The following ZCCHC10 variants were observed in gnomAD, a reference collection of about 807,000 sequenced individuals.
ZCCHC10 encodes the protein zinc finger CCHC domain-containing protein 10.
Under a neutral mutation model 19.5 loss-of-function variants are expected in ZCCHC10, and 16 were observed. The observed-to-expected ratio is 0.82, with a 90% CI of 0.56 to 1.25. The LOEUF (loss-of-function observed/expected upper bound fraction) is 1.25, where lower values mean the gene tolerates loss of function less well. Ranked by LOEUF, ZCCHC10 falls within the 50% of genes most tolerant of loss-of-function variation. The pLI is 0.00. For missense variants in ZCCHC10, 197 were observed against 201.0 expected (o/e 0.98, Z 0.12); for synonymous variants, 67 against 72.5 (o/e 0.92, Z 0.38).
chr5:133,025,575 A>G (rs7707473), intron 1 of ZCCHC10, among the ~76,000 whole-genome samples: 53,816 of 149,396 alleles, frequency 0.36, 11,377 homozygotes, highest in African/African-American at 0.6. Flanking sequence ...TTTGTCAGCT[A>G]TGAATCTCTT....
chr5:133,015,964 T>C (rs1763892691), intron 2 of ZCCHC10, among the ~76,000 whole-genome samples: 1 of 152,246 alleles, frequency 6.6e-6, no homozygotes, highest in Non-Finnish European at 1.5e-5. Context: ...TTTTATTCAA[T>C]GGGTTATAAT....
At chr5:133,024,588 C>A (rs1203311729) in intron 1 of ZCCHC10, among the ~76,000 whole-genome samples, 1 of 152,166 alleles carries the variant, frequency 6.6e-6, no homozygotes, top group Non-Finnish European at 1.5e-5. Flanking sequence ...GTATCACCAT[C>A]CCATTTTTGA....
chr5:133,017,194 A>G (rs895615386), intron 2 of ZCCHC10, among the ~76,000 whole-genome samples: 1 of 152,092 alleles, frequency 6.6e-6, no homozygotes, highest in Non-Finnish European at 1.5e-5. Flanking sequence ...CTGACATCAC[A>G]AGCCAGTTCA....
At chr5:133,002,957 C>T (rs777545147) in intron 3 of ZCCHC10, among the ~76,000 whole-genome samples, 4 of 152,034 alleles carry the variant, frequency 2.6e-5, no homozygotes, top group Non-Finnish European at 2.9e-5. Context: ...TGACCTCAGG[C>T]GATCCACCCA....
intron 1 of ZCCHC10, among the ~76,000 whole-genome samples, chr5:133,026,288 T>G (rs1219040610): frequency 6.6e-6 from 1 of 152,218 alleles, no homozygotes; most frequent in African/African-American, 2.4e-5. Context: ...CTCTGTCCCG[T>G]GCCGCAGACT....
intron 2 of ZCCHC10, among the ~76,000 whole-genome samples, chr5:133,020,307 A>G (rs73268617): frequency 0.049 from 7,492 of 151,914 alleles, 563 homozygotes; most frequent in East Asian, 0.29. Flanking sequence ...CACTGAAAAT[A>G]CAAAAATTAG....
chr5:133,003,985 C>T (rs947178335), intron 3 of ZCCHC10, among the ~76,000 whole-genome samples: 4 of 152,156 alleles, frequency 2.6e-5, no homozygotes, highest in African/African-American at 9.7e-5. Context: ...GCTGGAATTA[C>T]AGGCATGAAC....
At chr5:133,016,032 C>T (rs1165342315) in intron 2 of ZCCHC10, among the ~76,000 whole-genome samples, 1 of 152,166 alleles carries the variant, frequency 6.6e-6, no homozygotes, top group Non-Finnish European at 1.5e-5. Flanking sequence ...AGTGGGAGCT[C>T]CTTCAAGCTG....
At chr5:133,015,134 A>G (rs1182089811) in intron 2 of ZCCHC10, among the ~76,000 whole-genome samples, 2 of 137,380 alleles carry the variant, frequency 1.5e-5, no homozygotes, top group African/African-American at 5.8e-5. Context: ...GCTGGAGTGC[A>G]GTGGCGTGAT....
At chr5:133,014,858 G>C (rs980800383) in intron 2 of ZCCHC10, among the ~76,000 whole-genome samples, 3 of 152,138 alleles carry the variant, frequency 2.0e-5, no homozygotes, top group Non-Finnish European at 2.9e-5. Context: ...ATTACACAAG[G>C]GTGTACCAGG....
At chr5:133,019,805 T>C (rs998335586) in intron 2 of ZCCHC10, among the ~76,000 whole-genome samples, 4 of 151,094 alleles carry the variant, frequency 2.6e-5, no homozygotes, top group African/African-American at 2.4e-5. Context: ...AATAAAAAAA[T>C]TAGCTGCGTG....
intron 2 of ZCCHC10, among the ~76,000 whole-genome samples, chr5:133,018,100 G>A (rs975364447): frequency 2.1e-5 from 3 of 145,180 alleles, no homozygotes; most frequent in South Asian, 2.2e-4. Flanking sequence ...AGCCGAGATC[G>A]CACCACAGCA....
At chr5:133,023,883 C>T (rs1355500762) in intron 1 of ZCCHC10, among the ~76,000 whole-genome samples, 3 of 151,940 alleles carry the variant, frequency 2.0e-5, no homozygotes, top group Non-Finnish European at 4.4e-5. Flanking sequence ...AAAATTAAAC[C>T]TTTTTGATGA....
At chr5:133,021,206 T>C (rs1478755482) in intron 2 of ZCCHC10, among the ~76,000 whole-genome samples, 1 of 151,922 alleles carries the variant, frequency 6.6e-6, no homozygotes, top group Non-Finnish European at 1.5e-5. Context: ...AATTTTTGTA[T>C]TTTTAGTAGA....
intron 2 of ZCCHC10, among the ~76,000 whole-genome samples, chr5:133,020,775 C>T (rs562252847): frequency 4.6e-5 from 7 of 152,126 alleles, no homozygotes; most frequent in African/African-American, 1.2e-4. Flanking sequence ...GGCTGGAGTG[C>T]AGTGGTGCAA....
chr5:133,024,340 C>T (rs896903694), intron 1 of ZCCHC10, among the ~76,000 whole-genome samples: 3 of 149,508 alleles, frequency 2.0e-5, no homozygotes, highest in African/African-American at 7.7e-5. Context: ...ATCTCTAAAT[C>T]AATCAGAGCT....
chr5:133,001,090 T>C (rs1045248155), intron 3 of ZCCHC10, among the ~76,000 whole-genome samples: 10 of 151,992 alleles, frequency 6.6e-5, no homozygotes, highest in African/African-American at 2.2e-4. Context: ...AATCAGGTTT[T>C]TAAATTACAC....
At position 132,998,705 on chromosome 5, in the gene ZCCHC10, A is replaced by C; in HGVS notation, c.457T>G (p.Ser153Ala). The C allele has an allele frequency of 1.2e-6, 2 of 1,614,106 alleles. No homozygotes were observed. The highest frequency in any genetic ancestry group is 1.6e-4 in the Middle Eastern group (1 of 6,062). Residue 153 changes from serine to alanine, a missense_variant, in exon 5 of 5, where the codon TCC becomes GCC. Physicochemically the swap from Ser to Ala is moderately conservative, Grantham distance 99. Transcript: ENST00000509437. ...GAGGAGGAGGAAGAGGTTGTGGAGG[A>C]GGCTGAGGATGAGGAACTAGAGGAG... ...ESSSSSSSSASSTTSSSSSDS... is the reference protein window; with the variant it reads ...ESSSSSSSSAASTTSSSSSDS...
At chr5:132,999,317 G>T (rs1484142307) in intron 4 of ZCCHC10, among the ~76,000 whole-genome samples, 2 of 152,146 alleles carry the variant, frequency 1.3e-5, no homozygotes, top group African/African-American at 2.4e-5. Context: ...ATTGCCTGTT[G>T]TAAACCACAG....
Sources: allele counts gnomAD v4.1 joint callset (sites outside exome capture counted in the v4.1 genomes callset), GRCh38; gene constraint gnomAD v4.1.1; transcripts MANE v1.5; gene names NCBI Gene and HGNC (gene_info 2026-07-23, HGNC 2026-07-21).